Variants in CNTN5 observed in about 807,000 individuals in gnomAD.
CNTN5 encodes contactin 5, also known as contactin-5.
CNTN5 carries 77 observed loss-of-function variants against 129.1 expected under a neutral mutation model. That is an observed-to-expected ratio of 0.60 (90% CI 0.50 to 0.72). The LOEUF (loss-of-function observed/expected upper bound fraction) is 0.72. Among genes scored for constraint, CNTN5 ranks in the 30% least tolerant of loss-of-function variants. The pLI, the probability that CNTN5 is intolerant of heterozygous loss-of-function variation, is 0.00. For missense variants in CNTN5, 1,478 were observed against 1,328.8 expected (o/e 1.11, Z -1.75); for synonymous variants, 509 against 465.6 (o/e 1.09, Z -1.20).
At chr11:99,255,953 C>T (rs188988999) in intron 1 of CNTN5, among the ~76,000 whole-genome samples, 32 of 151,984 alleles carry the variant, frequency 2.1e-4, no homozygotes, top group Non-Finnish European at 4.0e-4. Flanking sequence ...TAGTGACACC[C>T]TGAAATTGTG....
At chr11:99,457,678 G>A (rs1196572718) in intron 2 of CNTN5, among the ~76,000 whole-genome samples, 3 of 151,586 alleles carry the variant, frequency 2.0e-5, no homozygotes, top group African/African-American at 4.8e-5. Flanking sequence ...AGTTTAAATA[G>A]CGTTAAGATG....
At chr11:99,814,166 A>G (rs1339132696) in intron 3 of CNTN5, among the ~76,000 whole-genome samples, 2 of 152,322 alleles carry the variant, frequency 1.3e-5, no homozygotes, top group East Asian at 3.9e-4. Flanking sequence ...GGAATTCAAC[A>G]TACACAAATA....
chr11:99,606,964 T>C (rs1297727863), intron 3 of CNTN5, among the ~76,000 whole-genome samples: 1 of 116,342 alleles, frequency 8.6e-6, no homozygotes, highest in Non-Finnish European at 1.9e-5. Context: ...GGATTAAAGA[T>C]TTAAACGTTA....
rs1027777237 is a variant in CNTN5, at chr11:99,971,954, A to G, written c.877+14945A>G. 2.0e-5 allele frequency among the ~76,000 whole-genome samples: 3 copies of G among 151,252 alleles called. 1 individual carries two copies. Among genetic ancestry groups the G allele is most frequent in the African/African-American group, 7.3e-5 (3 of 41,132 alleles). The stretch of plus-strand genomic sequence containing the variant: ...GATAATTGACAATGCTTAAGAAAAA[A>G]AAACAAAAAAAACGGGTGGGAGCGG... On this transcript the variant is annotated intron_variant, in intron 8 of 24. Transcript: ENST00000524871.
chr11:99,511,971 T>G (rs1347653237), intron 2 of CNTN5, among the ~76,000 whole-genome samples: 1 of 152,052 alleles, frequency 6.6e-6, no homozygotes, highest in Admixed American at 6.6e-5. Flanking sequence ...GTTTATAAAG[T>G]AAATTAATTA....
chr11:100,350,601 T>A, intron 23 of CNTN5, 101 bp from the exon 24 acceptor site: 1 of 820,760 alleles, frequency 1.2e-6, no homozygotes, highest in Non-Finnish European at 1.9e-6. Context: ...GTCTAAACTG[T>A]AAGCTCCTTG....
At chr11:100,172,551 G>A (rs1421554) in intron 13 of CNTN5, among the ~76,000 whole-genome samples, 103,424 of 151,798 alleles carry the variant, frequency 0.68, 36,723 homozygotes, top group African/African-American at 0.89. Context: ...TGGGAACATT[G>A]CCTAGGTGTA....
chr11:99,969,025 A>G (rs896837055), intron 8 of CNTN5, among the ~76,000 whole-genome samples: 1 of 152,156 alleles, frequency 6.6e-6, no homozygotes, highest in Non-Finnish European at 1.5e-5. Flanking sequence ...TTTTTGAATA[A>G]GATGAATACT....
intron 3 of CNTN5, among the ~76,000 whole-genome samples, chr11:99,768,684 C>A (rs1278107060): frequency 6.6e-6 from 1 of 152,014 alleles, no homozygotes; most frequent in African/African-American, 2.4e-5. Flanking sequence ...GACAATGATA[C>A]ACACTTCCCA....
At chr11:99,480,534 A>T (rs539657336) in intron 2 of CNTN5, among the ~76,000 whole-genome samples, 1 of 152,232 alleles carries the variant, frequency 6.6e-6, no homozygotes, top group South Asian at 2.1e-4. Context: ...AATTATGAAC[A>T]TCATATAAAC....
intron 1 of CNTN5, among the ~76,000 whole-genome samples, chr11:99,212,980 A>G (rs1859883786): frequency 6.6e-6 from 1 of 151,902 alleles, no homozygotes; most frequent in Non-Finnish European, 1.5e-5. Flanking sequence ...TCACGAAGTC[A>G]GGAGATGGAG....
At chr11:100,048,831 C>T (rs1942816436) in intron 9 of CNTN5, among the ~76,000 whole-genome samples, 1 of 151,948 alleles carries the variant, frequency 6.6e-6, no homozygotes, top group Non-Finnish European at 1.5e-5. Context: ...CCCTACAGAT[C>T]TCCAACGCTC....
intron 1 of CNTN5, among the ~76,000 whole-genome samples, chr11:99,299,881 T>A (rs75746864): frequency 0.019 from 2,825 of 152,220 alleles, 49 homozygotes; most frequent in African/African-American, 0.042. Flanking sequence ...CTTTTTTATA[T>A]AATGTTTTCT....
chr11:99,727,742 C>T (rs1420091199), intron 3 of CNTN5, among the ~76,000 whole-genome samples: 2 of 152,142 alleles, frequency 1.3e-5, no homozygotes, highest in African/African-American at 4.8e-5. Context: ...GTGCCATCCA[C>T]ATACATAAGT....
intron 2 of CNTN5, among the ~76,000 whole-genome samples, chr11:99,483,327 G>T (rs767794787): frequency 2.6e-5 from 4 of 152,090 alleles, no homozygotes; most frequent in Non-Finnish European, 5.9e-5. Flanking sequence ...TTCTTCGTGC[G>T]CAGTGGCCTG....
chr11:99,910,995 T>C (rs1348633022), intron 6 of CNTN5, among the ~76,000 whole-genome samples: 2 of 152,034 alleles, frequency 1.3e-5, no homozygotes, highest in Admixed American at 1.3e-4. Context: ...AACTTGTCCG[T>C]TGTTTTTACA....
intron 1 of CNTN5, among the ~76,000 whole-genome samples, chr11:99,052,614 T>G (rs890673432): frequency 5.9e-5 from 9 of 151,914 alleles, no homozygotes; most frequent in Non-Finnish European, 1.0e-4. Context: ...ATGACTGTAT[T>G]TTTAGGAGTT....
intron 2 of CNTN5, among the ~76,000 whole-genome samples, chr11:99,464,729 T>A (rs1944867364): frequency 6.6e-6 from 1 of 152,172 alleles, no homozygotes; most frequent in Admixed American, 6.5e-5. Context: ...TTTGAGGTTG[T>A]TGGATTAGAA....
At chr11:99,380,920 G>A (rs1480196955) in intron 2 of CNTN5, among the ~76,000 whole-genome samples, 3 of 152,134 alleles carry the variant, frequency 2.0e-5, no homozygotes, top group African/African-American at 7.2e-5. Flanking sequence ...CTTATCTGAT[G>A]CAGTGGATTT....
Sources: allele counts gnomAD v4.1 joint callset (sites outside exome capture counted in the v4.1 genomes callset), GRCh38; gene constraint gnomAD v4.1.1; transcripts MANE v1.5; gene names NCBI Gene and HGNC (gene_info 2026-07-23, HGNC 2026-07-21).